Variants in UST observed in about 807,000 individuals in gnomAD.
UST encodes chondroitin sulfate 2-O-sulfotransferase.
UST carries 21 observed loss-of-function variants against 45.6 expected under a neutral mutation model. That is an observed-to-expected ratio of 0.46 (90% CI 0.33 to 0.66). The LOEUF is 0.66. Ranked by LOEUF, UST falls within the 30% of genes least tolerant of loss-of-function variation. The pLI is 0.02. For missense variants in UST, 463 were observed against 512.4 expected (o/e 0.90, Z 0.93); for synonymous variants, 215 against 200.6 (o/e 1.07, Z -0.61).
At chr6:148,969,582 T>G (rs1303734355) in intron 5 of UST, among the ~76,000 whole-genome samples, 1 of 152,186 alleles carries the variant, frequency 6.6e-6, no homozygotes, top group Non-Finnish European at 1.5e-5. Context: ...CTTTGGAAGC[T>G]AAAACTCTCC....
At chr6:148,820,558 T>G (rs1777437902) in intron 1 of UST, among the ~76,000 whole-genome samples, 1 of 152,080 alleles carries the variant, frequency 6.6e-6, no homozygotes, top group Non-Finnish European at 1.5e-5. Context: ...AAAAATTCAC[T>G]GATTATCCCA....
intron 7 of UST, among the ~76,000 whole-genome samples, chr6:149,046,062 T>C (rs1028968196): frequency 4.6e-5 from 7 of 152,220 alleles, no homozygotes; most frequent in African/African-American, 1.7e-4. Context: ...AAGTATTCAA[T>C]AGAAAATTGG....
intron 2 of UST, among the ~76,000 whole-genome samples, chr6:148,892,838 CTG>C (rs1354675576): frequency 2.0e-5 from 3 of 151,928 alleles, no homozygotes; most frequent in African/African-American, 7.3e-5. Flanking sequence ...AAATAGCAAA[CTG>C]TTTCAAGATA....
At chr6:148,910,997 A>G (rs114430136) in intron 2 of UST, among the ~76,000 whole-genome samples, 1,574 of 152,118 alleles carry the variant, frequency 0.01, 28 homozygotes, top group African/African-American at 0.034. Flanking sequence ...GGATTGTCTC[A>G]GTTCACTAGG....
rs1045582149 is a variant in UST, at chr6:148,787,059, G to GT, written c.247+39389dup. Among the ~76,000 whole-genome samples the GT allele has an allele frequency of 7.9e-5, 12 of 151,946 alleles. No individual in the cohort carries two copies. In the South Asian group the frequency reaches 1.0e-3, roughly 13 times the overall value. ...TCCTTTGCCTGCTTTTAATGGGGTT[G>GT]TTTTTTTCTTGTAAATTTAAGTTCC... On this transcript the variant is annotated intron_variant, in intron 1 of 7. Coordinates refer to ENST00000367463, the MANE Select transcript of UST (RefSeq NM_005715.3).
chr6:148,896,189 T>C (rs535060316), intron 2 of UST, among the ~76,000 whole-genome samples: 8 of 152,256 alleles, frequency 5.3e-5, no homozygotes, highest in Non-Finnish European at 8.8e-5. Context: ...TTTGTGTGTA[T>C]ACACAGTCTC....
intron 1 of UST, among the ~76,000 whole-genome samples, chr6:148,842,067 A>G (rs1324510591): frequency 6.6e-6 from 1 of 152,154 alleles, no homozygotes; most frequent in Non-Finnish European, 1.5e-5. Context: ...GATCTTACCA[A>G]TGCACTTGAG....
At chr6:148,889,479 G>C (rs1188251477) in intron 2 of UST, among the ~76,000 whole-genome samples, 5 of 152,154 alleles carry the variant, frequency 3.3e-5, no homozygotes, top group African/African-American at 4.8e-5. Context: ...GTCCTGGTAG[G>C]TGTCCTCACC....
intron 5 of UST, among the ~76,000 whole-genome samples, chr6:149,010,895 C>CAAAAAAAAAAAAAAAAAAAAAAAA (rs1172538648): frequency 3.0e-5 from 2 of 65,618 alleles, no homozygotes; most frequent in African/African-American, 1.3e-4. Flanking sequence ...CCGTCTCAAC[C>CAAAAAAAAAAAAAAAAAAAAAAAA]AAAAAAAAAA....
chr6:149,028,913 T>A (rs923762867), intron 7 of UST, among the ~76,000 whole-genome samples: 6 of 152,242 alleles, frequency 3.9e-5, no homozygotes, highest in Non-Finnish European at 7.3e-5. Flanking sequence ...AGAGTTTTTT[T>A]AAGTAAGATT....
intron 2 of UST, among the ~76,000 whole-genome samples, chr6:148,912,162 A>C (rs1779488557): frequency 1.3e-5 from 2 of 152,310 alleles, no homozygotes; most frequent in Admixed American, 6.5e-5. Flanking sequence ...ATGCCAATGC[A>C]CTCCAGCCTG....
At chr6:148,906,655 G>A (rs1002700095) in intron 2 of UST, among the ~76,000 whole-genome samples, 33 of 150,552 alleles carry the variant, frequency 2.2e-4, no homozygotes, top group African/African-American at 7.3e-4. Flanking sequence ...CTGAAGCTTA[G>A]TGAACCTACA....
intron 1 of UST, among the ~76,000 whole-genome samples, chr6:148,784,049 G>T (rs183951132): frequency 1.4e-3 from 210 of 152,008 alleles, no homozygotes; most frequent in Non-Finnish European, 2.5e-3. Context: ...TGTAATTTAC[G>T]GCATATCACG....
At chr6:149,055,843 A>G (rs755862019) in intron 7 of UST, among the ~76,000 whole-genome samples, 4 of 152,192 alleles carry the variant, frequency 2.6e-5, no homozygotes, top group Non-Finnish European at 5.9e-5. Flanking sequence ...TCCATCTGAC[A>G]TCAGAAGCTT....
chr6:148,778,016 C>T (rs1776568031), intron 1 of UST, among the ~76,000 whole-genome samples: 1 of 152,164 alleles, frequency 6.6e-6, no homozygotes, highest in East Asian at 1.9e-4. Flanking sequence ...TGCAGGTTCA[C>T]GCTTTGGTGT....
At chr6:149,043,021 TTTTC>T (rs71554434) in intron 7 of UST, among the ~76,000 whole-genome samples, 2,331 of 117,814 alleles carry the variant, frequency 0.02, 92 homozygotes, top group African/African-American at 0.083. Context: ...CTTTCTTTCT[TTTTC>T]TTTCTTTCTT....
At chr6:148,907,796 G>GT (rs1421815402) in intron 2 of UST, among the ~76,000 whole-genome samples, 1 of 151,826 alleles carries the variant, frequency 6.6e-6, no homozygotes, top group Non-Finnish European at 1.5e-5. Flanking sequence ...AAATTCCCCA[G>GT]TGTGGCTAAT....
intron 1 of UST, among the ~76,000 whole-genome samples, chr6:148,838,658 C>T (rs1318619858): frequency 6.6e-6 from 1 of 152,010 alleles, no homozygotes; most frequent in Non-Finnish European, 1.5e-5. Flanking sequence ...ACTTTGGGAC[C>T]CCAAGGTGAG....
intron 1 of UST, among the ~76,000 whole-genome samples, chr6:148,809,335 T>TC: frequency 6.7e-6 from 1 of 149,810 alleles, no homozygotes; most frequent in East Asian, 2.0e-4. Context: ...TTTTTTTTTT[T>TC]CTCACCTGCT....
Sources: gnomAD v4.1 joint callset for allele counts (sites outside exome capture counted in the v4.1 genomes callset) on GRCh38, gnomAD v4.1.1 for gene constraint, MANE v1.5 for transcripts, NCBI Gene and HGNC (gene_info 2026-07-23, HGNC 2026-07-21) for gene names.